Variants in B4GALT5 observed in about 807,000 individuals in gnomAD.
The protein encoded by B4GALT5 is UDP-Gal:beta-GlcNAc beta-1,4-galactosyltransferase 5.
B4GALT5 carries 11 observed loss-of-function variants against 45.0 expected under a neutral mutation model. The ratio of observed to expected loss-of-function variants is 0.24; its 90% CI spans 0.15 to 0.40. The LOEUF (loss-of-function observed/expected upper bound fraction) is 0.40, where lower values mean the gene tolerates loss of function less well. B4GALT5 is among the 10% of genes least tolerant of loss of function. The pLI, the probability that B4GALT5 is intolerant of heterozygous loss-of-function variation, is 1.00. For synonymous variants in B4GALT5, 185 were observed against 182.9 expected (o/e 1.01, Z -0.09); for missense variants, 337 against 500.2 (o/e 0.67, Z 3.11).
chr20:49,666,399 C>T (rs1264760827), intron 1 of B4GALT5, among the ~76,000 whole-genome samples: 1 of 152,186 alleles, frequency 6.6e-6, no homozygotes, highest in Non-Finnish European at 1.5e-5. Flanking sequence ...GTCTGTTAGA[C>T]TGGGTTTTCT....
rs1044631020 is a variant in B4GALT5 at position 49,713,481 on chromosome 20, G to A, written c.115+95C>T. ...TCTTCGGAGGACCAGGCTCAGGGCC[G>A]CCTCCCGGCCGGGGCCCCTTAGGGA... On this transcript the variant is annotated intron_variant, in intron 1 of 8. Coordinates refer to ENST00000371711, the MANE Select transcript of B4GALT5 (RefSeq NM_004776.4). 6.2e-6 allele frequency: 8 copies of A among 1,291,798 alleles called. No homozygotes were observed. The African/African-American group carries it at 1.1e-4, about 18-fold the overall frequency. 80.0% of individuals were successfully genotyped at this position (1,291,798 alleles called of 1,614,324 possible).
chr20:49,693,915 T>A (rs1331419714), intron 1 of B4GALT5, among the ~76,000 whole-genome samples: 1 of 152,146 alleles, frequency 6.6e-6, no homozygotes, highest in African/African-American at 2.4e-5. Context: ...CACAAACAGT[T>A]AATGAAGGGA....
At chr20:49,646,136 C>T (rs1220577296) in intron 3 of B4GALT5, among the ~76,000 whole-genome samples, 1 of 152,176 alleles carries the variant, frequency 6.6e-6, no homozygotes, top group Non-Finnish European at 1.5e-5. Context: ...GAGTTCAAGG[C>T]TGCAGTTTTT....
intron 1 of B4GALT5, among the ~76,000 whole-genome samples, chr20:49,694,650 A>G (rs1284682616): frequency 7.7e-6 from 1 of 130,552 alleles, no homozygotes; most frequent in African/African-American, 2.8e-5. Flanking sequence ...GGGAAAGGGA[A>G]AGGGAAAAGG....
In B4GALT5 at chr20:49,644,953, G is replaced by A. The variant is rs563156034; in HGVS notation, c.365-1303C>T. Among the ~76,000 whole-genome samples, 4 of 152,082 alleles carry A rather than the reference G, an allele frequency of 2.6e-5. No individual in the cohort carries two copies. The East Asian group carries it at 7.7e-4, about 29-fold the overall frequency. The stretch of plus-strand genomic sequence containing the variant: ...AAAACAATTTTAAAAAAAGAAGTGG[G>A]GAACCATATTAAGAAGCCTAAAAGT... On this transcript the variant is annotated intron_variant, in intron 3 of 8. Coordinates refer to ENST00000371711, the MANE Select transcript of B4GALT5 (RefSeq NM_004776.4).
chr20:49,640,612 C>T lies in B4GALT5; in HGVS notation c.660G>A (p.Glu220=), dbSNP rs421801. ...AGTCCCAATCCAAGTCTTTCATTGC[C>T]TCTTGAAAGCCAACGTTGAAAAGCA... is the stretch of plus-strand genomic sequence containing the variant. ...RAMLFNVGFQ[E]AMKDLDWDCL... The change falls in exon 6 of 9, where the codon GAG becomes GAA. Residue 220 remains glutamate, a synonymous_variant. Coordinates refer to ENST00000371711, the MANE Select transcript of B4GALT5 (RefSeq NM_004776.4). The T allele has an allele frequency of 0.81, 1,304,412 of 1,613,368 alleles. 528,374 individuals are homozygous for T. The highest frequency in any genetic ancestry group is 0.91 in the Middle Eastern group (5,506 of 6,058).
At chr20:49,649,965 A>T (rs762039349) in intron 2 of B4GALT5, among the ~76,000 whole-genome samples, 3 of 152,176 alleles carry the variant, frequency 2.0e-5, no homozygotes, top group Non-Finnish European at 4.4e-5. Flanking sequence ...ACAAATCAAC[A>T]AAAACGAAGA....
intron 1 of B4GALT5, among the ~76,000 whole-genome samples, chr20:49,680,798 T>C (rs944486383): frequency 1.3e-5 from 2 of 152,044 alleles, no homozygotes; most frequent in Admixed American, 1.3e-4. Flanking sequence ...CTTTTTTTTT[T>C]CCGTAAAGTG....
At chr20:49,649,396 T>A (rs370346460) in intron 2 of B4GALT5, among the ~76,000 whole-genome samples, 3 of 151,966 alleles carry the variant, frequency 2.0e-5, no homozygotes, top group African/African-American at 7.3e-5. Flanking sequence ...CCAGGAAACA[T>A]GCTGAGAACC....
chr20:49,639,906 CCTG>C, intron 6 of B4GALT5, 106 bp from the exon 7 acceptor site: 1 of 1,443,064 alleles, frequency 6.9e-7, no homozygotes. Context: ...GTGCTCCTGA[CCTG>C]AACCATATGA....
chr20:49,642,612 C>T, intron 4 of B4GALT5, 28 bp from the exon 5 acceptor site: 1 of 1,513,358 alleles, frequency 6.6e-7, no homozygotes, highest in Non-Finnish European at 9.1e-7. Flanking sequence ...AAAAGAAGCA[C>T]AGTTAGGACT....
intron 3 of B4GALT5, among the ~76,000 whole-genome samples, chr20:49,646,348 C>T (rs1174038245): frequency 6.6e-6 from 1 of 152,210 alleles, no homozygotes; most frequent in Admixed American, 6.5e-5. Context: ...CACTCACTGA[C>T]TCACCAGAGC....
At chr20:49,689,536 G>A (rs577487255) in intron 1 of B4GALT5, among the ~76,000 whole-genome samples, 26 of 152,304 alleles carry the variant, frequency 1.7e-4, no homozygotes, top group Admixed American at 4.6e-4. Context: ...GGATTTTACA[G>A]TGAACTCCCA....
At chr20:49,681,103 C>A (rs1407316783) in intron 1 of B4GALT5, among the ~76,000 whole-genome samples, 1 of 150,630 alleles carries the variant, frequency 6.6e-6, no homozygotes, top group Non-Finnish European at 1.5e-5. Context: ...GTTGTCCCAG[C>A]TACTCAGGAG....
At chr20:49,697,834 G>C (rs1419318688) in intron 1 of B4GALT5, among the ~76,000 whole-genome samples, 1 of 152,010 alleles carries the variant, frequency 6.6e-6, no homozygotes, top group African/African-American at 2.4e-5. Flanking sequence ...ATGTTATCTA[G>C]ACCTAACCAA....
chr20:49,637,284 AT>A lies in B4GALT5; in HGVS notation c.1019+56del. On this transcript the variant is annotated intron_variant, in intron 8 of 8. Coordinates refer to ENST00000371711, the MANE Select transcript of B4GALT5 (RefSeq NM_004776.4). ...AAGGGGCTGTAATATGCTCTAAGAT[AT>A]CCGGACATGAAAGTATAGGGGATAC... 65 of 1,445,182 alleles carry A rather than the reference AT, an allele frequency of 4.5e-5. 1 individual carries two copies. In the South Asian group the frequency reaches 7.3e-4, roughly 16 times the overall value. The allele number at this position is 1,445,182 out of a possible 1,614,324, so 89.5% of individuals were successfully genotyped here.
intron 1 of B4GALT5, among the ~76,000 whole-genome samples, chr20:49,660,461 T>C (rs1443467014): frequency 6.6e-6 from 1 of 152,254 alleles, no homozygotes; most frequent in Non-Finnish European, 1.5e-5. Context: ...GATATTTCTA[T>C]GAATAGACTT....
chr20:49,683,762 CTG>C (rs1400201975), intron 1 of B4GALT5, among the ~76,000 whole-genome samples: 1 of 152,042 alleles, frequency 6.6e-6, no homozygotes, highest in Non-Finnish European at 1.5e-5. Flanking sequence ...ATTATTCATT[CTG>C]TGTTTCCTCA....
At chr20:49,671,822 T>A (rs2085717238) in intron 1 of B4GALT5, among the ~76,000 whole-genome samples, 1 of 149,514 alleles carries the variant, frequency 6.7e-6, no homozygotes, top group South Asian at 2.2e-4. Flanking sequence ...TTAGGAATGC[T>A]GCCTTTGGGC....
Sources: gnomAD v4.1 joint callset for allele counts (sites outside exome capture counted in the v4.1 genomes callset) on GRCh38, gnomAD v4.1.1 for gene constraint, MANE v1.5 for transcripts, NCBI Gene and HGNC (gene_info 2026-07-23, HGNC 2026-07-21) for gene names.